GUCY1A2: variants seen among roughly 807,000 people sequenced by gnomAD.
The protein encoded by GUCY1A2 is guanylate cyclase 1 soluble subunit alpha 2, also known as guanylate cyclase soluble subunit alpha-2.
Under a neutral mutation model 63.5 loss-of-function variants are expected in GUCY1A2, and 27 were observed. The observed-to-expected ratio is 0.43, with a 90% CI of 0.31 to 0.59. The LOEUF (loss-of-function observed/expected upper bound fraction) is 0.59, where lower values mean the gene tolerates loss of function less well. Ranked by LOEUF, GUCY1A2 falls within the 20% of genes least tolerant of loss-of-function variation. The pLI is 0.11. For missense variants in GUCY1A2, 768 were observed against 913.3 expected (o/e 0.84, Z 2.05); for synonymous variants, 364 against 343.5 (o/e 1.06, Z -0.66).
intron 3 of GUCY1A2, among the ~76,000 whole-genome samples, chr11:106,975,991 C>G (rs758901787): frequency 6.6e-6 from 1 of 152,136 alleles, no homozygotes; most frequent in Non-Finnish European, 1.5e-5. Context: ...GGTAGAAATG[C>G]TCATTTTGGA....
At chr11:106,807,486 A>G (rs539780542) in intron 5 of GUCY1A2, among the ~76,000 whole-genome samples, 6 of 152,148 alleles carry the variant, frequency 3.9e-5, no homozygotes, top group African/African-American at 4.8e-5. Flanking sequence ...CTATGGATTT[A>G]GCATATATTG....
chr11:106,793,611 G>A (rs963527596), intron 5 of GUCY1A2, among the ~76,000 whole-genome samples: 53 of 151,886 alleles, frequency 3.5e-4, no homozygotes, highest in Admixed American at 4.6e-4. Context: ...GTCTGATGAG[G>A]GGCTAATATC....
At chr11:106,744,448 T>A (rs201037386) in intron 6 of GUCY1A2, among the ~76,000 whole-genome samples, 1 of 152,156 alleles carries the variant, frequency 6.6e-6, no homozygotes, top group African/African-American at 2.4e-5. Flanking sequence ...GGTTTCACCA[T>A]GTTACATAAA....
intron 4 of GUCY1A2, among the ~76,000 whole-genome samples, chr11:106,839,899 A>G (rs1278310835): frequency 6.6e-6 from 1 of 150,870 alleles, no homozygotes; most frequent in African/African-American, 2.4e-5. Flanking sequence ...TAGGAGATAT[A>G]CCTAGTGTAA....
At position 106,686,508 on chromosome 11, in the gene GUCY1A2, T is replaced by C. The variant is rs1862528635; in HGVS notation, c.*1041A>G. On this transcript the variant is annotated 3_prime_UTR_variant, in exon 8 of 8. Coordinates refer to ENST00000526355, the MANE Select transcript of GUCY1A2 (RefSeq NM_000855.3). ...GTCACTAATGCCAGTATCCAGGAAT[T>C]TGTTCTCAAGAATAGCAGTCGGCTC... 4.6e-6 allele frequency: 1 copy of C among 216,326 alleles called. No homozygotes were observed. The highest frequency in any genetic ancestry group is 9.3e-6 in the Non-Finnish European group (1 of 107,420). The allele number at this position is 216,326 out of a possible 1,614,324, so 13.4% of individuals were successfully genotyped here.
intron 1 of GUCY1A2, among the ~76,000 whole-genome samples, chr11:107,005,150 ACCCTATGT>A (rs1440816984): frequency 6.6e-6 from 1 of 152,186 alleles, no homozygotes; most frequent in African/African-American, 2.4e-5. Flanking sequence ...CTGTACTTTG[ACCCTATGT>A]CCCACACATC....
intron 5 of GUCY1A2, among the ~76,000 whole-genome samples, chr11:106,786,492 C>T (rs1864558344): frequency 1.3e-5 from 2 of 152,178 alleles, no homozygotes; most frequent in Admixed American, 1.3e-4. Flanking sequence ...CCTGATAAAA[C>T]TCTCAGTAGG....
intron 3 of GUCY1A2, among the ~76,000 whole-genome samples, chr11:106,948,188 GA>G (rs1425261419): frequency 6.6e-6 from 1 of 151,974 alleles, no homozygotes; most frequent in South Asian, 2.1e-4. Context: ...TCCGGCCATA[GA>G]AAAAAATTAA....
At chr11:106,825,235 G>A (rs1000109222) in intron 4 of GUCY1A2, among the ~76,000 whole-genome samples, 2 of 152,038 alleles carry the variant, frequency 1.3e-5, no homozygotes, top group Non-Finnish European at 2.9e-5. Context: ...ATTGTCTTAA[G>A]TTTTTTATGC....
At chr11:106,869,785 T>C (rs906666889) in intron 4 of GUCY1A2, among the ~76,000 whole-genome samples, 2 of 152,170 alleles carry the variant, frequency 1.3e-5, no homozygotes, top group African/African-American at 4.8e-5. Context: ...TAAATCATGC[T>C]GCTATAAAGA....
chr11:106,824,845 A>T, intron 4 of GUCY1A2: 3 of 1,611,246 alleles, frequency 1.9e-6, no homozygotes, highest in Non-Finnish European at 2.5e-6. Context: ...CAAGGTGATA[A>T]AAAGATGGAG....
rs182683659 is a variant in GUCY1A2 at position 106,685,315 on chromosome 11, G to C, written c.*2234C>G. 7.9e-4 allele frequency: 165 copies of C among 208,476 alleles called. No homozygotes were observed. The highest frequency in any genetic ancestry group is 1.2e-3 in the Non-Finnish European group (120 of 102,488). 12.9% of individuals were successfully genotyped at this position (208,476 alleles called of 1,614,324 possible). On this transcript the variant is annotated 3_prime_UTR_variant, in exon 8 of 8. Coordinates refer to ENST00000526355, the MANE Select transcript of GUCY1A2 (RefSeq NM_000855.3). Reference sequence around the variant, plus strand: ...TATATAAATACAATACTTCTCTCCAGGCCTATCACTAGTATTGAGGTGGAT... The same window carrying C: ...TATATAAATACAATACTTCTCTCCACGCCTATCACTAGTATTGAGGTGGAT...
intron 7 of GUCY1A2, among the ~76,000 whole-genome samples, chr11:106,696,099 TG>T (rs1862714323): frequency 6.6e-6 from 1 of 152,174 alleles, no homozygotes; most frequent in African/African-American, 2.4e-5. Context: ...GTACATCTTC[TG>T]GGATGTTCCT....
At chr11:106,968,993 T>A (rs1861161544) in intron 3 of GUCY1A2, among the ~76,000 whole-genome samples, 1 of 152,068 alleles carries the variant, frequency 6.6e-6, no homozygotes, top group Non-Finnish European at 1.5e-5. Context: ...CCATGATACA[T>A]AAGAGTCCAT....
chr11:106,992,809 A>T (rs1235359647), intron 1 of GUCY1A2, among the ~76,000 whole-genome samples: 1 of 152,182 alleles, frequency 6.6e-6, no homozygotes, highest in Non-Finnish European at 1.5e-5. Flanking sequence ...ATTAAATTTT[A>T]TTTTAAATAA....
Position 106,687,495 on chromosome 11 carries a change from G to T in GUCY1A2, c.*54C>A. On this transcript the variant is annotated 3_prime_UTR_variant, in exon 8 of 8. Coordinates refer to ENST00000526355, the MANE Select transcript of GUCY1A2 (RefSeq NM_000855.3). ...CAATCTCTTTCCACCCCCCATTGGT[G>T]ACCCATGTTCTGGGCTTGTGCTTTT... 1 of 1,288,696 alleles carries T rather than the reference G, an allele frequency of 7.8e-7. No individual in the cohort carries two copies. Among genetic ancestry groups the T allele is most frequent in the Non-Finnish European group, 1.1e-6 (1 of 886,334 alleles). 79.8% of individuals were successfully genotyped at this position (1,288,696 alleles called of 1,614,324 possible).
At chr11:106,844,509 T>C (rs184327341) in intron 4 of GUCY1A2, among the ~76,000 whole-genome samples, 6 of 151,774 alleles carry the variant, frequency 4.0e-5, no homozygotes, top group Admixed American at 1.3e-4. Flanking sequence ...CCTGACAAAG[T>C]TGGGTTTATT....
intron 6 of GUCY1A2, among the ~76,000 whole-genome samples, chr11:106,722,784 CTGTGTG>C (rs5794487): frequency 0.32 from 47,701 of 148,804 alleles, 7,653 homozygotes; most frequent in Middle Eastern, 0.36. Flanking sequence ...AAGACCAGTT[CTGTGTG>C]TGTGTGTGTG....
At chr11:106,964,202 C>G (rs1480014621) in intron 3 of GUCY1A2, among the ~76,000 whole-genome samples, 3 of 152,162 alleles carry the variant, frequency 2.0e-5, no homozygotes, top group African/African-American at 4.8e-5. Context: ...TGCTCATTGT[C>G]CCAATGATAT....
Sources: allele counts gnomAD v4.1 joint callset (sites outside exome capture counted in the v4.1 genomes callset), GRCh38; gene constraint gnomAD v4.1.1; transcripts MANE v1.5; gene names NCBI Gene and HGNC (gene_info 2026-07-23, HGNC 2026-07-21).